TMPRSS12: variants seen among roughly 807,000 people sequenced by gnomAD.
TMPRSS12 encodes the protein transmembrane protease serine 12.
In TMPRSS12, 25 loss-of-function variants were observed where a neutral mutation model predicts 26.0. The ratio of observed to expected loss-of-function variants is 0.96; its 90% CI spans 0.70 to 1.34. The LOEUF is 1.34. Among genes scored for constraint, TMPRSS12 ranks in the 40% most tolerant of loss-of-function variants. The probability of loss-of-function intolerance (pLI) is 0.00; values close to 1 mark genes in which losing one functional copy is unlikely to be tolerated. For missense variants in TMPRSS12, 441 were observed against 440.1 expected, an observed-to-expected ratio of 1.00 and a Z score of -0.02; for synonymous variants, 150 against 161.7, an observed-to-expected ratio of 0.93 and a Z score of 0.55.
intron 2 of TMPRSS12, chr12:50,848,357 A>C (rs1937793836): frequency 1.3e-5 from 2 of 152,176 alleles, no homozygotes; most frequent in Admixed American, 1.3e-4. Context: ...AAATCGGTTT[A>C]GTCTCTAAGA....
intron 4 of TMPRSS12, chr12:50,885,824 C>CT (rs398019534): frequency 0.26 from 49,646 of 188,242 alleles, 5,940 homozygotes; most frequent in Non-Finnish European, 0.31. Flanking sequence ...CCCGGCCATT[C>CT]TTTTTTTTTT....
chr12:50,878,399 C>T (rs142527113), intron 3 of TMPRSS12, among the ~76,000 whole-genome samples: 146 of 150,246 alleles, frequency 9.7e-4, no homozygotes, highest in Middle Eastern at 3.4e-3. Flanking sequence ...CTGCGCAATA[C>T]GGTGAGCCCC....
At chr12:50,861,247 G>T (rs1937931537) in intron 3 of TMPRSS12, among the ~76,000 whole-genome samples, 1 of 152,122 alleles carries the variant, frequency 6.6e-6, no homozygotes, top group South Asian at 2.1e-4. Context: ...GGGAATCATT[G>T]TCCTGTTAGG....
intron 3 of TMPRSS12, among the ~76,000 whole-genome samples, chr12:50,873,096 C>T (rs938853751): frequency 4.0e-5 from 6 of 151,350 alleles, no homozygotes; most frequent in African/African-American, 1.2e-4. Context: ...AATGGAAAAC[C>T]AAACATCATA....
At chr12:50,853,296 A>G (rs1158190647) in intron 2 of TMPRSS12, among the ~76,000 whole-genome samples, 4 of 152,194 alleles carry the variant, frequency 2.6e-5, no homozygotes, top group Non-Finnish European at 5.9e-5. Flanking sequence ...AGGATACAAC[A>G]TACCAGAATC....
intron 2 of TMPRSS12, among the ~76,000 whole-genome samples, chr12:50,858,095 G>A (rs1428492916): frequency 6.6e-6 from 1 of 152,138 alleles, no homozygotes; most frequent in African/African-American, 2.4e-5. Context: ...GCCTGCCTTG[G>A]CCTCCCAAAG....
intron 2 of TMPRSS12, among the ~76,000 whole-genome samples, chr12:50,855,671 G>C (rs937073665): frequency 6.6e-6 from 1 of 152,176 alleles, no homozygotes; most frequent in Non-Finnish European, 1.5e-5. Context: ...ACTTAAAACA[G>C]AGCTATTGTT....
chr12:50,871,239 A>C (rs1938039630), intron 3 of TMPRSS12, among the ~76,000 whole-genome samples: 2 of 152,182 alleles, frequency 1.3e-5, no homozygotes, highest in African/African-American at 2.4e-5. Context: ...GTACTGGTAT[A>C]AAAATAGGCA....
In TMPRSS12 at chr12:50,843,122, G is replaced by A. The variant is rs917718221; in HGVS notation, c.158G>A (p.Arg53Gln). Residue 53 changes from arginine (R) to glutamine (Q), a missense_variant, in exon 1 of 5, where the codon CGG (arginine) becomes CAG (glutamine). Physicochemically the swap from Arg to Gln is conservative, Grantham distance 43. Coordinates refer to ENST00000398458, the MANE Select transcript of TMPRSS12 (RefSeq NM_182559.3). ...QAEAVRKRLRRRREGGAHAED... is the reference protein window; with the variant it reads ...QAEAVRKRLRQRREGGAHAED... ...GAGGCCGTCCGCAAGAGGCTCCGGC[G>A]GCGGAGGGAGGGAGGGGCGCATGCA... is the stretch of plus-strand genomic sequence containing the variant. 19 of 1,573,684 alleles carry A rather than the reference G, an allele frequency of 1.2e-5. No homozygotes were observed. Among genetic ancestry groups the A allele is most frequent in the Middle Eastern group, 3.3e-4 (2 of 6,042 alleles).
chr12:50,851,127 C>A (rs1462032883), intron 2 of TMPRSS12, among the ~76,000 whole-genome samples: 1 of 152,204 alleles, frequency 6.6e-6, no homozygotes, highest in East Asian at 1.9e-4. Context: ...CACAAGAACC[C>A]TGGCAACCCA....
intron 2 of TMPRSS12, among the ~76,000 whole-genome samples, chr12:50,845,259 C>T (rs1332530814): frequency 6.6e-6 from 1 of 152,202 alleles, no homozygotes; most frequent in Admixed American, 6.5e-5. Context: ...TTGACCTCTA[C>T]AGCCTTTGGC....
At chr12:50,849,374 T>TTC (rs1276525936) in intron 2 of TMPRSS12, among the ~76,000 whole-genome samples, 8 of 152,240 alleles carry the variant, frequency 5.3e-5, no homozygotes, top group Non-Finnish European at 1.2e-4. Flanking sequence ...TGCACTTATT[T>TTC]TCTTTTTAAA....
intron 3 of TMPRSS12, among the ~76,000 whole-genome samples, chr12:50,877,662 G>T (rs1938125054): frequency 6.6e-6 from 1 of 152,182 alleles, no homozygotes; most frequent in Admixed American, 6.5e-5. Context: ...GTGCAATGGT[G>T]CAATCTCAGC....
At chr12:50,875,789 C>G (rs1183705038) in intron 3 of TMPRSS12, among the ~76,000 whole-genome samples, 1 of 152,096 alleles carries the variant, frequency 6.6e-6, no homozygotes, top group East Asian at 1.9e-4. Context: ...AGAGCTCAAG[C>G]TACAAGAATC....
At chr12:50,875,061 G>T (rs992027256) in intron 3 of TMPRSS12, among the ~76,000 whole-genome samples, 1 of 152,088 alleles carries the variant, frequency 6.6e-6, no homozygotes, top group African/African-American at 2.4e-5. Context: ...TACCAATGTT[G>T]TTTTTTCACA....
chr12:50,881,421 A>T (rs1938162699), intron 3 of TMPRSS12, among the ~76,000 whole-genome samples: 1 of 152,296 alleles, frequency 6.6e-6, no homozygotes, highest in African/African-American at 2.4e-5. Context: ...ACTCAACTGC[A>T]TTGGTACAAT....
At chr12:50,881,425 G>A (rs796213071) in intron 3 of TMPRSS12, among the ~76,000 whole-genome samples, 85 of 152,132 alleles carry the variant, frequency 5.6e-4, no homozygotes, top group African/African-American at 1.9e-3. Flanking sequence ...AACTGCATTG[G>A]TACAATGTGT....
At chr12:50,880,966 C>CTTTTTTTTTTTTTTTTTTTTTTTTTT (rs869152225) in intron 3 of TMPRSS12, among the ~76,000 whole-genome samples, 1 of 61,786 alleles carries the variant, frequency 1.6e-5, no homozygotes, top group East Asian at 5.7e-4. Context: ...TCAGTAATTT[C>CTTTTTTTTTTTTTTTTTTTTTTTTTT]TTTTTTTTTT....
Position 50,843,868 on chromosome 12 carries a change from G to A in TMPRSS12, c.214G>A (p.Val72Met). ...TTGTGGAACAGCACCGCTTAAGGAT[G>A]TGTTGCAAGGGTCTCGGATTATAGG... ...EDCGTAPLKD[V>M]LQGSRIIGGT... The change falls in exon 2 of 5, where the codon GTG (valine) becomes ATG (methionine). Residue 72 changes from valine (V) to methionine (M), a missense_variant. Transcript: ENST00000398458. 6.4e-7 allele frequency: 1 copy of A among 1,559,446 alleles called. No homozygotes were observed. The highest frequency in any genetic ancestry group is 8.7e-7 in the Non-Finnish European group (1 of 1,151,568).
Sources: allele counts gnomAD v4.1 joint callset (sites outside exome capture counted in the v4.1 genomes callset), GRCh38; gene constraint gnomAD v4.1.1; transcripts MANE v1.5; gene names NCBI Gene and HGNC (gene_info 2026-07-23, HGNC 2026-07-21).